The following FILIP1L variants were observed in gnomAD, a reference collection of about 807,000 sequenced individuals.
FILIP1L encodes the protein filamin A interacting protein 1 like.
A neutral mutation model predicts 96.6 loss-of-function variants in FILIP1L; 55 were observed. The ratio of observed to expected loss-of-function variants is 0.57; its 90% CI spans 0.46 to 0.71. The LOEUF (loss-of-function observed/expected upper bound fraction) is 0.71, where lower values mean the gene tolerates loss of function less well. FILIP1L is among the 30% of genes least tolerant of loss of function. The pLI is 0.00. For missense variants in FILIP1L, 1,304 were observed against 1,321.2 expected (o/e 0.99, Z 0.20); for synonymous variants, 467 against 473.9 (o/e 0.99, Z 0.19).
chr3:99,935,653 AGGACCTG>A, intron 1 of FILIP1L, among the ~76,000 whole-genome samples: 1 of 152,346 alleles, frequency 6.6e-6, no homozygotes, highest in East Asian at 1.9e-4. Flanking sequence ...TAGCAGGGTT[AGGACCTG>A]AGACTGGATG....
chr3:100,089,492 A>T (rs976272286), intron 1 of FILIP1L, among the ~76,000 whole-genome samples: 2 of 152,242 alleles, frequency 1.3e-5, no homozygotes, highest in Non-Finnish European at 2.9e-5. Context: ...GGAGATGAAG[A>T]TATGAAGATT....
At position 100,003,289 on chromosome 3, in the gene FILIP1L, C is replaced by T. The variant is rs543478625; in HGVS notation, c.-10-72259G>A. Among the ~76,000 whole-genome samples, 7 of 152,234 alleles carry T rather than the reference C, an allele frequency of 4.6e-5. No homozygotes were observed. In the East Asian group the frequency reaches 1.3e-3, roughly 29 times the overall value. ...AAGTTACACATTGACTCAGTCAAAC[C>T]AGCTTGATTTCTGTCTCAGTGTAGT... On this transcript the variant is annotated intron_variant, in intron 1 of 5. Coordinates refer to ENST00000477258, the MANE Select transcript of FILIP1L (RefSeq NM_001387850.1).
At chr3:100,051,041 A>G (rs976990353) in intron 1 of FILIP1L, among the ~76,000 whole-genome samples, 2 of 152,190 alleles carry the variant, frequency 1.3e-5, no homozygotes, top group Non-Finnish European at 2.9e-5. Flanking sequence ...TTCAATAGAG[A>G]AATCACATAA....
In FILIP1L at chr3:99,930,835, G is replaced by A; in HGVS notation, c.186C>T (p.His62=). ...KAEKPHSGNG[H]QAEDLSRDDL... The stretch of plus-strand genomic sequence containing the variant: ...CATCTCTTGAGAGGTCTTCTGCTTG[G>A]TGGCCATTACCACTGTGTGGCTTCT... The change falls in exon 2 of 6, where the codon CAC becomes CAT. Residue 62 remains histidine (H), a synonymous_variant. Transcript: ENST00000477258. The A allele has an allele frequency of 6.2e-7, 1 of 1,612,466 alleles. No individual in the cohort carries two copies. The highest frequency in any genetic ancestry group is 8.5e-7 in the Non-Finnish European group (1 of 1,179,560).
chr3:99,996,033 G>C (rs1215047654), intron 1 of FILIP1L, among the ~76,000 whole-genome samples: 1 of 152,208 alleles, frequency 6.6e-6, no homozygotes, highest in Non-Finnish European at 1.5e-5. Context: ...CAGCTGGCTT[G>C]AATTCCGCCT....
chr3:100,082,319 C>G (rs2065945119), intron 1 of FILIP1L, among the ~76,000 whole-genome samples: 1 of 152,132 alleles, frequency 6.6e-6, no homozygotes. Context: ...AATTCATAGG[C>G]AAGAATTTAC....
chr3:99,848,312 G>C lies in FILIP1L; in HGVS notation c.3364C>G (p.Arg1122Gly). ...TITPTATPLP[R>G]QSQITIKEVC... Reference sequence around the variant, plus strand: ...TTACTTACTGTAATTTGTGATTGTCGAGGAAGAGGTGTGGCTGTTGGTGTG... The same window carrying C: ...TTACTTACTGTAATTTGTGATTGTCCAGGAAGAGGTGTGGCTGTTGGTGTG... Residue 1122 changes from arginine to glycine, a missense_variant, in exon 5 of 6, where the codon CGA becomes GGA. Arg to Gly is a moderately radical substitution (Grantham distance 125). Coordinates refer to ENST00000477258, the MANE Select transcript of FILIP1L (RefSeq NM_001387850.1). 1 of 1,614,034 alleles carries C rather than the reference G, an allele frequency of 6.2e-7. No individual in the cohort carries two copies.
Position 99,849,613 on chromosome 3 carries a change from T to C in FILIP1L, c.2063A>G (p.Lys688Arg). The change falls in exon 5 of 6, where the codon AAG becomes AGG. Residue 688 changes from lysine (K) to arginine (R), a missense_variant. Physicochemically the swap from Lys to Arg is conservative, Grantham distance 26. Transcript: ENST00000477258. Reference protein sequence around the residue: ...EHVKMELAKYKLAEKTETSHE... With the variant: ...EHVKMELAKYRLAEKTETSHE... Reference sequence around the variant, plus strand: ...GCTGGTCTCTGTCTTTTCTGCTAACTTGTACTTAGCAAGTTCCATTTTAAC... The same window carrying C: ...GCTGGTCTCTGTCTTTTCTGCTAACCTGTACTTAGCAAGTTCCATTTTAAC... 1 of 1,613,498 alleles carries C rather than the reference T, an allele frequency of 6.2e-7. No homozygotes were observed. Among genetic ancestry groups the C allele is most frequent in the Non-Finnish European group, 8.5e-7 (1 of 1,180,016 alleles).
At chr3:99,907,070 T>G (rs1368740180) in intron 4 of FILIP1L, among the ~76,000 whole-genome samples, 2 of 152,214 alleles carry the variant, frequency 1.3e-5, no homozygotes, top group East Asian at 1.9e-4. Flanking sequence ...AACATATTTT[T>G]GGGACTCTTA....
chr3:100,093,593 C>A (rs1254270067), intron 1 of FILIP1L, among the ~76,000 whole-genome samples: 5 of 152,158 alleles, frequency 3.3e-5, no homozygotes. Flanking sequence ...TCTTACAGAA[C>A]TGTAGTGGAA....
chr3:99,979,035 G>A (rs992362979), intron 1 of FILIP1L, among the ~76,000 whole-genome samples: 1 of 152,114 alleles, frequency 6.6e-6, no homozygotes, highest in Admixed American at 6.5e-5. Context: ...ACTGTAGGGC[G>A]ACTAGAGGGT....
At chr3:99,884,103 T>TTA (rs1216669938) in intron 4 of FILIP1L, among the ~76,000 whole-genome samples, 1 of 152,206 alleles carries the variant, frequency 6.6e-6, no homozygotes, top group Non-Finnish European at 1.5e-5. Flanking sequence ...TTAGCAGCCC[T>TTA]TATAGTTCAT....
chr3:100,100,892 T>C (rs2066292302), intron 1 of FILIP1L, among the ~76,000 whole-genome samples: 1 of 152,216 alleles, frequency 6.6e-6, no homozygotes, highest in African/African-American at 2.4e-5. Context: ...TTTTCCTGAT[T>C]CTTCCATTCC....
intron 1 of FILIP1L, among the ~76,000 whole-genome samples, chr3:99,982,414 A>G (rs2107734310): frequency 6.6e-6 from 1 of 152,138 alleles, no homozygotes; most frequent in South Asian, 2.1e-4. Context: ...TTCATGGCTC[A>G]AACCCATCGT....
intron 4 of FILIP1L, among the ~76,000 whole-genome samples, chr3:99,911,948 T>C (rs1347174869): frequency 6.6e-6 from 1 of 152,192 alleles, no homozygotes; most frequent in Non-Finnish European, 1.5e-5. Flanking sequence ...TCTTTTTTTT[T>C]CCAGCAAATA....
intron 5 of FILIP1L, among the ~76,000 whole-genome samples, chr3:99,846,530 G>A (rs1388247707): frequency 6.6e-6 from 1 of 152,196 alleles, no homozygotes; most frequent in African/African-American, 2.4e-5. Context: ...AGACCATCAT[G>A]TATTTTGTAA....
chr3:99,869,148 T>C (rs1044511224), intron 4 of FILIP1L, among the ~76,000 whole-genome samples: 4 of 152,210 alleles, frequency 2.6e-5, no homozygotes, highest in African/African-American at 9.6e-5. Context: ...CTCTTGTTCT[T>C]GTCACTTCTG....
intron 1 of FILIP1L, among the ~76,000 whole-genome samples, chr3:100,077,334 T>G (rs2065865865): frequency 6.6e-6 from 1 of 152,228 alleles, no homozygotes; most frequent in Non-Finnish European, 1.5e-5. Context: ...GTCATTTCTT[T>G]CTCTTACAAT....
chr3:99,848,256 G>A (rs746394253), intron 5 of FILIP1L, 39 bp downstream of exon 5: 14 of 1,607,768 alleles, frequency 8.7e-6, no homozygotes, highest in African/African-American at 1.3e-5. Flanking sequence ...AGTATGGACT[G>A]GATGAGGGTG....
Sources: gnomAD v4.1 joint callset for allele counts (sites outside exome capture counted in the v4.1 genomes callset) on GRCh38, gnomAD v4.1.1 for gene constraint, MANE v1.5 for transcripts, NCBI Gene and HGNC (gene_info 2026-07-23, HGNC 2026-07-21) for gene names.